The following LRRC9 variants were observed in gnomAD, a reference collection of about 807,000 sequenced individuals.
LRRC9 encodes leucine-rich repeat-containing protein 9.
In LRRC9, 122 loss-of-function variants were observed where a neutral mutation model predicts 63.2. The ratio of observed to expected loss-of-function variants is 1.93; its 90% CI spans 1.67 to 2.24. The LOEUF (loss-of-function observed/expected upper bound fraction) is 2.24. Among genes scored for constraint, LRRC9 ranks in the 30% most tolerant of loss-of-function variants. The pLI, the probability that LRRC9 is intolerant of heterozygous loss-of-function variation, is 0.00. For synonymous variants in LRRC9, 366 were observed against 213.1 expected (o/e 1.72, Z -6.25); for missense variants, 1,071 against 627.7 (o/e 1.71, Z -7.55).
intron 29 of LRRC9, among the ~76,000 whole-genome samples, chr14:60,039,404 T>G (rs1892739864): frequency 6.6e-6 from 1 of 152,226 alleles, no homozygotes; most frequent in African/African-American, 2.4e-5. Flanking sequence ...GGACTTTTTT[T>G]GGTTGGTAGG....
chr14:59,967,377 C>T (rs949546111), intron 12 of LRRC9, among the ~76,000 whole-genome samples, 164 bp downstream of exon 12: 11 of 152,210 alleles, frequency 7.2e-5, no homozygotes, highest in African/African-American at 2.7e-4. Context: ...CATCTTTCCT[C>T]TTTGGATTAT....
chr14:60,040,782 G>A (rs1892879462), intron 29 of LRRC9, among the ~76,000 whole-genome samples: 1 of 151,962 alleles, frequency 6.6e-6, no homozygotes, highest in African/African-American at 2.4e-5. Context: ...ATTGTTGTGT[G>A]TGAATTTGAT....
At chr14:59,937,218 A>T (rs1890207458) in intron 6 of LRRC9, among the ~76,000 whole-genome samples, 1 of 146,762 alleles carries the variant, frequency 6.8e-6, no homozygotes, top group Non-Finnish European at 1.5e-5. Flanking sequence ...AAAAAAAAAA[A>T]GCCAAATAGA....
At chr14:59,939,479 T>C (rs186180034) in intron 7 of LRRC9, among the ~76,000 whole-genome samples, 105 of 152,002 alleles carry the variant, frequency 6.9e-4, no homozygotes, top group African/African-American at 2.5e-3. Context: ...GGATTAAGAA[T>C]AGAGAGTTAG....
At chr14:59,955,313 A>G (rs1883621651) in intron 8 of LRRC9, among the ~76,000 whole-genome samples, 1 of 152,144 alleles carries the variant, frequency 6.6e-6, no homozygotes, top group South Asian at 2.1e-4. Context: ...GACTGCCTCA[A>G]TTTCAGAACT....
chr14:59,956,889 G>A (rs1883813682), intron 8 of LRRC9, among the ~76,000 whole-genome samples: 1 of 152,146 alleles, frequency 6.6e-6, no homozygotes, highest in Admixed American at 6.5e-5. Context: ...CGCTTATGAA[G>A]CTTAGTTTGG....
At chr14:60,037,292 G>A (rs564495830) in intron 29 of LRRC9, among the ~76,000 whole-genome samples, 1 of 152,280 alleles carries the variant, frequency 6.6e-6, no homozygotes, top group South Asian at 2.1e-4. Context: ...GTAATGGGAT[G>A]GCTGGGTCAA....
At chr14:60,038,586 G>T (rs921450203) in intron 29 of LRRC9, among the ~76,000 whole-genome samples, 11 of 152,024 alleles carry the variant, frequency 7.2e-5, no homozygotes, top group African/African-American at 2.4e-4. Flanking sequence ...TTGGTGTATA[G>T]GAATGTTTGT....
intron 17 of LRRC9, among the ~76,000 whole-genome samples, chr14:59,987,799 T>A (rs1887644828): frequency 1.3e-5 from 2 of 152,236 alleles, no homozygotes. Context: ...TATTCTATCA[T>A]TATTTCATTT....
intron 30 of LRRC9, among the ~76,000 whole-genome samples, chr14:60,055,595 C>A (rs555176252): frequency 1.3e-5 from 2 of 152,094 alleles, no homozygotes; most frequent in Admixed American, 6.5e-5. Context: ...AGGACTAAAT[C>A]AAAAATACTG....
At position 59,996,554 on chromosome 14, in the gene LRRC9, T is replaced by C. The variant is rs575523464; in HGVS notation, c.2212-1102T>C. 2.2e-3 allele frequency among the ~76,000 whole-genome samples: 333 copies of C among 151,974 alleles called. 1 individual carries two copies. Among genetic ancestry groups the C allele is most frequent in the Non-Finnish European group, 4.2e-3 (286 of 67,990 alleles). On this transcript the variant is annotated intron_variant, in intron 17 of 31. Transcript: ENST00000445360. Reference sequence around the variant, plus strand: ...CAAACAAGTAAGATGAAGATATGAATAGATAAATAGCCAAAGACAAGAAAG... The same window carrying C: ...CAAACAAGTAAGATGAAGATATGAACAGATAAATAGCCAAAGACAAGAAAG...
At chr14:59,939,109 A>G (rs897227263) in intron 7 of LRRC9, among the ~76,000 whole-genome samples, 2 of 122,564 alleles carry the variant, frequency 1.6e-5, no homozygotes, top group Non-Finnish European at 3.4e-5. Flanking sequence ...ATACACACAT[A>G]TATATACATA....
chr14:59,991,033 G>A (rs1045732482), intron 17 of LRRC9, among the ~76,000 whole-genome samples: 8 of 152,156 alleles, frequency 5.3e-5, no homozygotes, highest in African/African-American at 1.7e-4. Context: ...CTGTTTTTAT[G>A]TGTGGATTCA....
intron 14 of LRRC9, 72 bp from the exon 15 acceptor site, chr14:59,977,943 CTA>C (rs1886490659): frequency 1.7e-6 from 1 of 604,314 alleles, no homozygotes; most frequent in East Asian, 2.9e-5. Flanking sequence ...AATTATTAAA[CTA>C]TGTAAGAATG....
At chr14:60,002,216 A>G (rs1242015141) in intron 20 of LRRC9, 116 bp downstream of exon 20, 2 of 495,536 alleles carry the variant, frequency 4.0e-6, no homozygotes, top group Non-Finnish European at 7.1e-6. Context: ...GAAAGCTGGA[A>G]GAGATTAATT....
intron 13 of LRRC9, among the ~76,000 whole-genome samples, chr14:59,975,027 G>A (rs1252235439): frequency 4.6e-5 from 2 of 43,026 alleles, no homozygotes; most frequent in African/African-American, 5.9e-5. Context: ...ATATATATGT[G>A]TCACAGCATA....
chr14:60,065,541 A>G (rs1253560), downstream of LRRC9, among the ~76,000 whole-genome samples: 1 of 146,030 alleles, frequency 6.8e-6, no homozygotes, highest in African/African-American at 2.5e-5. Flanking sequence ...TCAGCTACTC[A>G]GGAGGCTAAG....
At chr14:59,941,127 G>A (rs1249358172) in intron 7 of LRRC9, among the ~76,000 whole-genome samples, 1 of 150,836 alleles carries the variant, frequency 6.6e-6, no homozygotes, top group East Asian at 1.9e-4. Flanking sequence ...AAGTGATTTT[G>A]AAAAAGTTTA....
At chr14:60,033,954 A>T (rs1226505647) in intron 29 of LRRC9, among the ~76,000 whole-genome samples, 3 of 151,796 alleles carry the variant, frequency 2.0e-5, no homozygotes, top group Non-Finnish European at 4.4e-5. Context: ...TATTTCTTAA[A>T]AAGTTATTCT....
Sources: allele counts gnomAD v4.1 joint callset (sites outside exome capture counted in the v4.1 genomes callset), GRCh38; gene constraint gnomAD v4.1.1; transcripts MANE v1.5; gene names NCBI Gene and HGNC (gene_info 2026-07-23, HGNC 2026-07-21).